The following AGBL4 variants were observed in gnomAD, a reference collection of about 807,000 sequenced individuals.
The protein encoded by AGBL4 is cytosolic carboxypeptidase 6.
Under a neutral mutation model 66.4 loss-of-function variants are expected in AGBL4, and 58 were observed. The observed-to-expected ratio is 0.87, with a 90% CI of 0.71 to 1.09. AGBL4 has a LOEUF of 1.09. Ranked by LOEUF, AGBL4 falls within the 50% of genes least tolerant of loss-of-function variation. The pLI is 0.00. For synonymous variants in AGBL4, 234 were observed against 222.9 expected (o/e 1.05, Z -0.44); for missense variants, 579 against 631.0 (o/e 0.92, Z 0.88).
chr1:49,831,748 G>GT (rs1214857555), intron 2 of AGBL4, among the ~76,000 whole-genome samples: 3 of 152,122 alleles, frequency 2.0e-5, no homozygotes, highest in African/African-American at 7.2e-5. Context: ...CTGTGGGTTT[G>GT]TCATAAATAG....
At chr1:48,705,589 C>A (rs1570306772) in intron 6 of AGBL4, among the ~76,000 whole-genome samples, 1 of 152,292 alleles carries the variant, frequency 6.6e-6, no homozygotes, top group Middle Eastern at 3.4e-3. Flanking sequence ...TTGCCCAGGT[C>A]AAACAGCTAA....
chr1:49,379,869 G>A lies in AGBL4; in HGVS notation c.283-134005C>T, dbSNP rs1206697022. ...TTTGGTTGTGTCTCTGCCCGGCTTT[G>A]GTATCAGGATGATGCTGGCCTCATA... On this transcript the variant is annotated intron_variant, in intron 3 of 13. Transcript: ENST00000371839. 2.6e-5 allele frequency among the ~76,000 whole-genome samples: 4 copies of A among 152,104 alleles called. No homozygotes were observed. In the Middle Eastern group the frequency reaches 0.01, roughly 388 times the overall value.
chr1:49,661,564 C>T (rs1646270179), intron 3 of AGBL4, among the ~76,000 whole-genome samples: 1 of 152,126 alleles, frequency 6.6e-6, no homozygotes, highest in Non-Finnish European at 1.5e-5. Context: ...TTCCTGAAGC[C>T]TCATCAGAAG....
chr1:48,834,637 C>A (rs1469095061), intron 6 of AGBL4, among the ~76,000 whole-genome samples: 1 of 152,152 alleles, frequency 6.6e-6, no homozygotes, highest in Admixed American at 6.6e-5. Context: ...AGAAAGAGAG[C>A]CCTCACCAAG....
intron 3 of AGBL4, among the ~76,000 whole-genome samples, chr1:49,516,415 A>C (rs544351007): frequency 2.8e-4 from 42 of 152,198 alleles, no homozygotes; most frequent in Non-Finnish European, 5.0e-4. Context: ...GTAGATAAAA[A>C]AGAGGTGTGC....
intron 3 of AGBL4, among the ~76,000 whole-genome samples, chr1:49,378,665 C>T (rs1644523470): frequency 6.6e-6 from 1 of 152,128 alleles, no homozygotes; most frequent in Admixed American, 6.6e-5. Flanking sequence ...AGCTTTCAGA[C>T]AGCGTTACAA....
intron 11 of AGBL4, among the ~76,000 whole-genome samples, chr1:48,548,228 G>C (rs1644195366): frequency 6.9e-6 from 1 of 145,004 alleles, no homozygotes; most frequent in Non-Finnish European, 1.5e-5. Flanking sequence ...GGTAAGGGGA[G>C]TGCTGGGGCC....
intron 11 of AGBL4, among the ~76,000 whole-genome samples, chr1:48,576,505 T>C (rs1295290862): frequency 1.3e-5 from 2 of 152,182 alleles, no homozygotes; most frequent in African/African-American, 2.4e-5. Flanking sequence ...TCATATATCA[T>C]AGCTTTGGGT....
chr1:49,424,597 T>C (rs1570683255), intron 3 of AGBL4, among the ~76,000 whole-genome samples: 1 of 152,154 alleles, frequency 6.6e-6, no homozygotes, highest in African/African-American at 2.4e-5. Flanking sequence ...TACAACGAAA[T>C]GTGTGAGGGA....
chr1:48,525,890 T>C, the AGBL4 span, among the ~76,000 whole-genome samples: 109 of 152,300 alleles, frequency 7.2e-4, no homozygotes, highest in Non-Finnish European at 1.4e-3. Flanking sequence ...GCACCCTCTT[T>C]ATAACGCAGG....
At chr1:48,718,410 C>T (rs1647087464) in intron 6 of AGBL4, among the ~76,000 whole-genome samples, 1 of 152,230 alleles carries the variant, frequency 6.6e-6, no homozygotes, top group Admixed American at 6.5e-5. Context: ...CCTCCCAAAG[C>T]TCCCTAGCTC....
chr1:49,302,593 A>ATATTT (rs1353101047), intron 3 of AGBL4, among the ~76,000 whole-genome samples: 2 of 127,100 alleles, frequency 1.6e-5, no homozygotes, highest in East Asian at 2.3e-4. Context: ...ATTTTATTTT[A>ATATTT]TATTTTATTT....
rs185101753 is a variant in AGBL4, at chr1:48,611,604, G to A, written c.952-20619C>T. On this transcript the variant is annotated intron_variant, in intron 9 of 13. Transcript: ENST00000371839. ...ATTCTTACCATAGAATGAGAATGTC[G>A]GGCATCTCATTTAATTTTCACATAA... Among the ~76,000 whole-genome samples, 238 of 152,212 alleles carry A rather than the reference G, an allele frequency of 1.6e-3. 2 individuals carry two copies. Among genetic ancestry groups the A allele is most frequent in the Non-Finnish European group, 2.1e-3 (144 of 68,016 alleles).
chr1:49,726,856 A>G (rs1649070219), intron 2 of AGBL4, among the ~76,000 whole-genome samples: 1 of 152,142 alleles, frequency 6.6e-6, no homozygotes, highest in African/African-American at 2.4e-5. Flanking sequence ...ATATGGCCAC[A>G]GAAAGCTCCA....
intron 2 of AGBL4, among the ~76,000 whole-genome samples, chr1:49,734,964 A>C (rs1456878605): frequency 6.6e-6 from 1 of 152,146 alleles, no homozygotes; most frequent in Non-Finnish European, 1.5e-5. Context: ...ATAAATTCTC[A>C]TCTATATAAT....
chr1:48,987,869 C>T (rs1330084003), intron 5 of AGBL4, among the ~76,000 whole-genome samples: 1 of 152,074 alleles, frequency 6.6e-6, no homozygotes, highest in African/African-American at 2.4e-5. Flanking sequence ...TCTATCCATC[C>T]TCAGGGATCC....
In AGBL4 at chr1:49,377,846, T is replaced by C. The variant is rs146585858; in HGVS notation, c.283-131982A>G. Reference sequence around the variant, plus strand: ...ACCTGTACCTGGCTCCAGAGGGATATAGTATTCTCTCTACCAGGAATGATC... The same window carrying C: ...ACCTGTACCTGGCTCCAGAGGGATACAGTATTCTCTCTACCAGGAATGATC... On this transcript the variant is annotated intron_variant, in intron 3 of 13. Coordinates refer to ENST00000371839, the MANE Select transcript of AGBL4 (RefSeq NM_032785.4). Among the ~76,000 whole-genome samples, 1,033 of 152,198 alleles carry C rather than the reference T, an allele frequency of 6.8e-3. 8 individuals are homozygous for C. Among genetic ancestry groups the C allele is most frequent in the South Asian group, 0.018 (87 of 4,824 alleles).
intron 6 of AGBL4, among the ~76,000 whole-genome samples, chr1:48,756,750 A>C (rs1643951466): frequency 6.6e-6 from 1 of 152,196 alleles, no homozygotes. Context: ...ATAGACTTTT[A>C]AGCTTTCACT....
intron 1 of AGBL4, among the ~76,000 whole-genome samples, chr1:49,946,029 A>T (rs1655174632): frequency 1.3e-5 from 2 of 152,220 alleles, no homozygotes; most frequent in South Asian, 4.1e-4. Context: ...ATATATATGC[A>T]CCTAGCATTA....
Sources: gnomAD v4.1 joint callset for allele counts (sites outside exome capture counted in the v4.1 genomes callset) on GRCh38, gnomAD v4.1.1 for gene constraint, MANE v1.5 for transcripts, NCBI Gene and HGNC (gene_info 2026-07-23, HGNC 2026-07-21) for gene names.